Variants in SLC25A31 observed in about 807,000 individuals in gnomAD.
SLC25A31 encodes the protein ADP/ATP translocase 4.
In SLC25A31, 40 loss-of-function variants were observed where a neutral mutation model predicts 36.2. That is an observed-to-expected ratio of 1.10 (90% confidence interval 0.86 to 1.44). The LOEUF is 1.44. Among genes scored for constraint, SLC25A31 ranks in the 40% most tolerant of loss-of-function variants. The probability of loss-of-function intolerance (pLI) is 0.00; values close to 1 mark genes in which losing one functional copy is unlikely to be tolerated. For missense variants in SLC25A31, 350 were observed against 397.1 expected (o/e 0.88, Z 1.01); for synonymous variants, 143 against 149.7 (o/e 0.96, Z 0.32).
chr4:127,756,342 A>G (rs1732030664), intron 2 of SLC25A31, among the ~76,000 whole-genome samples: 1 of 152,220 alleles, frequency 6.6e-6, no homozygotes, highest in Non-Finnish European at 1.5e-5. Flanking sequence ...AAATACTGCT[A>G]CTGACTTTGT....
intron 2 of SLC25A31, among the ~76,000 whole-genome samples, chr4:127,751,800 C>T (rs1223639975): frequency 6.6e-6 from 1 of 152,106 alleles, no homozygotes; most frequent in African/African-American, 2.4e-5. Context: ...TTTATGCAGC[C>T]AACAGACACA....
chr4:127,747,574 C>T (rs2148757160), intron 2 of SLC25A31, among the ~76,000 whole-genome samples: 1 of 152,280 alleles, frequency 6.6e-6, no homozygotes, highest in South Asian at 2.1e-4. Context: ...AGTCAGTTTA[C>T]TTCTCTGATC....
chr4:127,730,841 G>C (rs1731509750), intron 1 of SLC25A31, 64 bp downstream of exon 1: 1 of 1,479,414 alleles, frequency 6.8e-7, no homozygotes, highest in Non-Finnish European at 9.2e-7. Flanking sequence ...CCAGAGAAGA[G>C]GGTGGCTGGG....
intron 1 of SLC25A31, among the ~76,000 whole-genome samples, chr4:127,737,221 A>C (rs1731648339): frequency 6.6e-6 from 1 of 152,186 alleles, no homozygotes; most frequent in South Asian, 2.1e-4. Flanking sequence ...ATGTAAAACT[A>C]TTTTATGTAT....
At chr4:127,759,649 GT>G (rs1277231941) in intron 2 of SLC25A31, among the ~76,000 whole-genome samples, 1 of 152,110 alleles carries the variant, frequency 6.6e-6, no homozygotes, top group Non-Finnish European at 1.5e-5. Context: ...GTTAACCTCT[GT>G]TAAACTACTG....
intron 3 of SLC25A31, among the ~76,000 whole-genome samples, chr4:127,765,225 T>G (rs987860866): frequency 3.3e-5 from 5 of 152,198 alleles, no homozygotes; most frequent in African/African-American, 1.2e-4. Context: ...TCCCTGCTCC[T>G]TTGCTTTCAT....
chr4:127,731,577 C>T (rs971465267), intron 1 of SLC25A31, among the ~76,000 whole-genome samples: 7 of 152,070 alleles, frequency 4.6e-5, no homozygotes, highest in Non-Finnish European at 1.0e-4. Context: ...GGCGTGGTGG[C>T]GCACGCCTGC....
chr4:127,753,350 A>G (rs776934143), intron 2 of SLC25A31, among the ~76,000 whole-genome samples: 1 of 152,112 alleles, frequency 6.6e-6, no homozygotes, highest in Non-Finnish European at 1.5e-5. Context: ...AATAAATGAA[A>G]TAGAGACTAG....
chr4:127,763,053 C>A (rs1351925751), intron 2 of SLC25A31, among the ~76,000 whole-genome samples: 1 of 152,006 alleles, frequency 6.6e-6, no homozygotes, highest in Non-Finnish European at 1.5e-5. Flanking sequence ...CGAGATCGCG[C>A]CACTGCACTC....
chr4:127,745,474 AATC>A (rs1409355311), intron 2 of SLC25A31, among the ~76,000 whole-genome samples: 1 of 151,992 alleles, frequency 6.6e-6, no homozygotes, highest in Non-Finnish European at 1.5e-5. Flanking sequence ...ACTCTTAAAA[AATC>A]TCTCTTCCCC....
intron 1 of SLC25A31, among the ~76,000 whole-genome samples, chr4:127,739,012 C>G (rs539303359): frequency 6.6e-6 from 1 of 152,052 alleles, no homozygotes; most frequent in Non-Finnish European, 1.5e-5. Context: ...TGAGATTGGT[C>G]TCTTAAAGAC....
intron 2 of SLC25A31, among the ~76,000 whole-genome samples, 183 bp downstream of exon 2, chr4:127,744,982 G>C (rs1316707753): frequency 6.6e-6 from 1 of 152,108 alleles, no homozygotes; most frequent in Non-Finnish European, 1.5e-5. Flanking sequence ...AAAATAGTAA[G>C]TGTTTATTGT....
chr4:127,739,914 A>G (rs527888506), intron 1 of SLC25A31, among the ~76,000 whole-genome samples: 3 of 152,094 alleles, frequency 2.0e-5, no homozygotes, highest in East Asian at 3.9e-4. Context: ...AAGCTTTTCA[A>G]TTCCATAAGA....
intron 3 of SLC25A31, among the ~76,000 whole-genome samples, chr4:127,766,143 TTTTTATTTG>T (rs1037144759): frequency 3.3e-5 from 3 of 92,024 alleles, no homozygotes; most frequent in African/African-American, 1.3e-4. Context: ...TCCTGGAGTT[TTTTTATTTG>T]TTTTTTTTTT....
At chr4:127,751,375 A>G (rs1054051734) in intron 2 of SLC25A31, among the ~76,000 whole-genome samples, 2 of 152,238 alleles carry the variant, frequency 1.3e-5, no homozygotes, top group African/African-American at 4.8e-5. Context: ...CCATATGTAG[A>G]AAGCTGAAAC....
At chr4:127,772,047 T>C (rs1309355021) in intron 5 of SLC25A31, among the ~76,000 whole-genome samples, 4 of 152,320 alleles carry the variant, frequency 2.6e-5, no homozygotes, top group Non-Finnish European at 4.4e-5. Flanking sequence ...CTTCTTGTAT[T>C]GCTCTAGTAT....
At chr4:127,756,012 G>T (rs375824364) in intron 2 of SLC25A31, among the ~76,000 whole-genome samples, 1 of 151,320 alleles carries the variant, frequency 6.6e-6, no homozygotes, top group Non-Finnish European at 1.5e-5. Flanking sequence ...CAGCCTGGGC[G>T]GCAAAGCAAG....
chr4:127,739,691 C>T (rs894390326), intron 1 of SLC25A31, among the ~76,000 whole-genome samples: 2 of 151,994 alleles, frequency 1.3e-5, no homozygotes, highest in East Asian at 1.9e-4. Flanking sequence ...GGGTTGTTTA[C>T]TTTTTCTGTT....
At chr4:127,744,885 C>T (rs1015456321) in intron 2 of SLC25A31, 86 bp downstream of exon 2, 33 of 1,029,100 alleles carry the variant, frequency 3.2e-5, no homozygotes, top group Non-Finnish European at 4.2e-5. Context: ...AAATATATTT[C>T]ACTATCTCTA....
Sources: gnomAD v4.1 joint callset for allele counts (sites outside exome capture counted in the v4.1 genomes callset) on GRCh38, gnomAD v4.1.1 for gene constraint, MANE v1.5 for transcripts, NCBI Gene and HGNC (gene_info 2026-07-23, HGNC 2026-07-21) for gene names.